Variants in STXBP5L observed in about 807,000 individuals in gnomAD.
The protein encoded by STXBP5L is syntaxin binding protein 5L.
Under a neutral mutation model 144.5 loss-of-function variants are expected in STXBP5L, and 65 were observed. That is an observed-to-expected ratio of 0.45 (90% CI 0.37 to 0.55). The LOEUF (loss-of-function observed/expected upper bound fraction) is 0.55, where lower values mean the gene tolerates loss of function less well. Among genes scored for constraint, STXBP5L ranks in the 20% least tolerant of loss-of-function variants. STXBP5L has a pLI of 0.00. For missense variants in STXBP5L, 1,298 were observed against 1,405.5 expected, an observed-to-expected ratio of 0.92 and a Z score of 1.22; for synonymous variants, 505 against 469.6, an observed-to-expected ratio of 1.08 and a Z score of -0.97.
chr3:120,911,346 C>T (rs964578309), intron 2 of STXBP5L, among the ~76,000 whole-genome samples: 13 of 152,034 alleles, frequency 8.6e-5, no homozygotes, highest in Non-Finnish European at 1.8e-4. Context: ...TAAATACATA[C>T]TACTTTAAAA....
At chr3:121,155,634 CT>C (rs1227898865) in intron 8 of STXBP5L, among the ~76,000 whole-genome samples, 1 of 151,588 alleles carries the variant, frequency 6.6e-6, no homozygotes, top group African/African-American at 2.4e-5. Context: ...GCCCCCCTCC[CT>C]TTTTTTGAGA....
intron 25 of STXBP5L, 80 bp downstream of exon 25, chr3:121,416,048 A>G: frequency 9.6e-7 from 1 of 1,046,078 alleles, no homozygotes; most frequent in Non-Finnish European, 1.4e-6. Flanking sequence ...GTGTAACTTA[A>G]TGTAATATGT....
At chr3:121,418,948 GATT>G in intron 26 of STXBP5L, 105 bp from the exon 27 acceptor site, 2 of 1,163,496 alleles carry the variant, frequency 1.7e-6, no homozygotes, top group Non-Finnish European at 2.4e-6. Flanking sequence ...CACTCAGTTT[GATT>G]ATAAGTTTTG....
chr3:121,063,805 C>T (rs1006461251), intron 5 of STXBP5L, among the ~76,000 whole-genome samples: 3 of 148,814 alleles, frequency 2.0e-5, no homozygotes, highest in African/African-American at 7.6e-5. Flanking sequence ...CAGAAAACCG[C>T]CTACTCAAGC....
At chr3:121,089,381 G>A (rs1474793613) in intron 5 of STXBP5L, among the ~76,000 whole-genome samples, 1 of 151,146 alleles carries the variant, frequency 6.6e-6, no homozygotes, top group Non-Finnish European at 1.5e-5. Flanking sequence ...ATTCTAGGTT[G>A]GTAGTTTTTC....
chr3:120,984,346 G>T (rs755067139), intron 3 of STXBP5L, among the ~76,000 whole-genome samples: 16 of 152,096 alleles, frequency 1.1e-4, no homozygotes, highest in Non-Finnish European at 1.9e-4. Flanking sequence ...CAGAGTTCTG[G>T]TGAACTCAGG....
chr3:121,009,856 G>C (rs1411681335), intron 3 of STXBP5L, among the ~76,000 whole-genome samples: 1 of 151,834 alleles, frequency 6.6e-6, no homozygotes, highest in East Asian at 1.9e-4. Context: ...CTTTTTGAAT[G>C]ATGAATGTTC....
intron 3 of STXBP5L, among the ~76,000 whole-genome samples, chr3:120,981,244 C>G (rs959516653): frequency 5.9e-5 from 9 of 152,116 alleles, no homozygotes; most frequent in African/African-American, 1.4e-4. Flanking sequence ...ATGTGAATGT[C>G]AAATCTCTAG....
chr3:121,324,082 G>A (rs538589658), intron 20 of STXBP5L, among the ~76,000 whole-genome samples: 13 of 152,048 alleles, frequency 8.5e-5, no homozygotes, highest in Non-Finnish European at 1.5e-4. Context: ...AATTCTCAGT[G>A]CACAATCTAC....
intron 22 of STXBP5L, among the ~76,000 whole-genome samples, chr3:121,387,427 T>C (rs1010524147): frequency 1.3e-5 from 2 of 152,252 alleles, no homozygotes; most frequent in Non-Finnish European, 2.9e-5. Context: ...CATTTGTCTA[T>C]TTTGGCTTTT....
intron 3 of STXBP5L, among the ~76,000 whole-genome samples, chr3:121,024,945 G>C (rs1010878553): frequency 6.6e-6 from 1 of 152,144 alleles, no homozygotes; most frequent in East Asian, 1.9e-4. Flanking sequence ...GCTTAGAACA[G>C]TATCATTCTA....
At chr3:121,239,195 T>C in intron 13 of STXBP5L, 77 bp downstream of exon 13, 1 of 826,392 alleles carries the variant, frequency 1.2e-6, no homozygotes, top group Non-Finnish European at 1.8e-6. Flanking sequence ...CTTTATTTTC[T>C]TACATTCCAT....
chr3:121,279,489 A>G (rs1395807404), intron 18 of STXBP5L, among the ~76,000 whole-genome samples: 1 of 151,824 alleles, frequency 6.6e-6, no homozygotes, highest in Non-Finnish European at 1.5e-5. Flanking sequence ...GCATAGCAAA[A>G]AGGTTTTGTG....
Position 121,021,896 on chromosome 3 carries a change from C to A in STXBP5L, c.288-19804C>A, listed in dbSNP as rs1945584471. ...CAAACCAAACCAAACCCAAACCCAGCAGAAGAAAAGTCATAACCAATAACA... is the reference window on the plus strand; with the variant it reads ...CAAACCAAACCAAACCCAAACCCAGAAGAAGAAAAGTCATAACCAATAACA... On this transcript the variant is annotated intron_variant, in intron 3 of 26. Transcript: ENST00000471454. Among the ~76,000 whole-genome samples, 5 of 152,006 alleles carry A rather than the reference C, an allele frequency of 3.3e-5. No homozygotes were observed. In the South Asian group the frequency reaches 8.3e-4, roughly 25 times the overall value.
intron 18 of STXBP5L, among the ~76,000 whole-genome samples, chr3:121,265,329 C>T (rs1018487935): frequency 7.2e-5 from 11 of 152,180 alleles, no homozygotes; most frequent in African/African-American, 2.7e-4. Context: ...TCACTCAAAA[C>T]CATGCAACTA....
chr3:121,084,806 G>T (rs1449949653), intron 5 of STXBP5L, among the ~76,000 whole-genome samples: 1 of 152,062 alleles, frequency 6.6e-6, no homozygotes, highest in Non-Finnish European at 1.5e-5. Flanking sequence ...CTTTAAAATG[G>T]TTGAACTAAT....
chr3:121,024,005 G>T (rs921660457), intron 3 of STXBP5L, among the ~76,000 whole-genome samples: 1 of 151,972 alleles, frequency 6.6e-6, no homozygotes, highest in Non-Finnish European at 1.5e-5. Context: ...TGATACGCCC[G>T]CCTTGGCCTC....
intron 3 of STXBP5L, among the ~76,000 whole-genome samples, chr3:121,010,386 T>G (rs980515210): frequency 4.0e-5 from 6 of 151,764 alleles, no homozygotes; most frequent in Non-Finnish European, 7.4e-5. Context: ...GGCAAGGTAT[T>G]TTAATTTTCC....
chr3:121,414,713 G>C (rs1403383771), intron 24 of STXBP5L, among the ~76,000 whole-genome samples: 3 of 152,232 alleles, frequency 2.0e-5, no homozygotes, highest in African/African-American at 7.2e-5. Flanking sequence ...TGTTGTGCTG[G>C]AGAATTAGTC....
Sources: allele counts gnomAD v4.1 joint callset (sites outside exome capture counted in the v4.1 genomes callset), GRCh38; gene constraint gnomAD v4.1.1; transcripts MANE v1.5; gene names NCBI Gene and HGNC (gene_info 2026-07-23, HGNC 2026-07-21).